Variants in PRKACB observed in about 807,000 individuals in gnomAD.
The protein encoded by PRKACB is protein kinase cAMP-activated catalytic subunit beta.
Under a neutral mutation model 51.4 loss-of-function variants are expected in PRKACB, and 16 were observed. The observed-to-expected ratio is 0.31, with a 90% confidence interval of 0.21 to 0.47. The LOEUF is 0.47. PRKACB is among the 20% of genes least tolerant of loss of function. The probability of loss-of-function intolerance (pLI) is 1.00; values close to 1 mark genes in which losing one functional copy is unlikely to be tolerated. For missense variants in PRKACB, 309 were observed against 464.5 expected (o/e 0.67, Z 3.08); for synonymous variants, 147 against 154.4 (o/e 0.95, Z 0.35).
intron 1 of PRKACB, among the ~76,000 whole-genome samples, chr1:84,119,571 A>G (rs1215913703): frequency 1.3e-5 from 2 of 152,134 alleles, no homozygotes; most frequent in East Asian, 3.9e-4. Flanking sequence ...CTAAAAATCC[A>G]TCAGCCCGTA....
At chr1:84,091,540 G>A (rs1461495482) in intron 1 of PRKACB, among the ~76,000 whole-genome samples, 1 of 151,968 alleles carries the variant, frequency 6.6e-6, no homozygotes, top group Non-Finnish European at 1.5e-5. Context: ...GTCTTGCTGT[G>A]TTGCCCAGGC....
At chr1:84,086,955 A>G (rs1288336982) in intron 1 of PRKACB, among the ~76,000 whole-genome samples, 2 of 152,266 alleles carry the variant, frequency 1.3e-5, no homozygotes, top group Non-Finnish European at 2.9e-5. Flanking sequence ...ACAATAAAGC[A>G]AGGGTCTGCA....
chr1:84,131,907 C>A (rs954066837), intron 1 of PRKACB, among the ~76,000 whole-genome samples: 3 of 152,142 alleles, frequency 2.0e-5, no homozygotes, highest in African/African-American at 7.2e-5. Context: ...TGATGAAGAT[C>A]CTGGAAAAGG....
intron 5 of PRKACB, among the ~76,000 whole-genome samples, chr1:84,186,509 A>G (rs1384832845): frequency 6.6e-6 from 1 of 151,964 alleles, no homozygotes; most frequent in Non-Finnish European, 1.5e-5. Context: ...GTGAGCTACC[A>G]CACCTGGCCT....
At chr1:84,175,097 A>T (rs1660784721) in intron 1 of PRKACB, 1 of 1,386,596 alleles carries the variant, frequency 7.2e-7, no homozygotes, top group African/African-American at 1.5e-5. Flanking sequence ...TTACCTTTAA[A>T]ATTTTTTATT....
intron 9 of PRKACB, among the ~76,000 whole-genome samples, chr1:84,231,338 G>C (rs1278847438): frequency 6.6e-6 from 1 of 152,156 alleles, no homozygotes; most frequent in East Asian, 1.9e-4. Flanking sequence ...TTTTATTGAG[G>C]ATTTTTGCAT....
intron 1 of PRKACB, among the ~76,000 whole-genome samples, chr1:84,149,280 A>C (rs1654532497): frequency 6.6e-6 from 1 of 151,600 alleles, no homozygotes; most frequent in African/African-American, 2.4e-5. Flanking sequence ...TTTTTTTTTA[A>C]ACAGAGTCTT....
intron 2 of PRKACB, among the ~76,000 whole-genome samples, chr1:84,179,499 A>G (rs907097943): frequency 2.3e-4 from 35 of 151,974 alleles, no homozygotes; most frequent in East Asian, 1.6e-3. Context: ...TAAAATCTTA[A>G]TATTTTCAAA....
At chr1:84,203,514 T>TGTCAA (rs1235496710) in intron 8 of PRKACB, among the ~76,000 whole-genome samples, 1 of 151,988 alleles carries the variant, frequency 6.6e-6, no homozygotes, top group Non-Finnish European at 1.5e-5. Context: ...TCGGATCTTT[T>TGTCAA]TTTAAAAGAC....
intron 1 of PRKACB, among the ~76,000 whole-genome samples, chr1:84,130,645 G>A (rs1276438287): frequency 8.5e-5 from 13 of 152,062 alleles, no homozygotes; most frequent in Admixed American, 3.9e-4. Flanking sequence ...CTCAAATTTC[G>A]CAACTGACAT....
chr1:84,158,067 T>G (rs1345877099), intron 1 of PRKACB, among the ~76,000 whole-genome samples: 2 of 130,310 alleles, frequency 1.5e-5, no homozygotes, highest in African/African-American at 2.5e-5. Context: ...TCATCAGTCT[T>G]TCTTTCTTTT....
At chr1:84,106,584 A>G (rs1212611833) in intron 1 of PRKACB, among the ~76,000 whole-genome samples, 1 of 152,192 alleles carries the variant, frequency 6.6e-6, no homozygotes, top group Non-Finnish European at 1.5e-5. Context: ...ATTACAGAAC[A>G]CTGCTGAAAG....
At chr1:84,131,506 A>G (rs1459938176) in intron 1 of PRKACB, among the ~76,000 whole-genome samples, 1 of 152,208 alleles carries the variant, frequency 6.6e-6, no homozygotes, top group Non-Finnish European at 1.5e-5. Flanking sequence ...AGTGAAAAAC[A>G]GAGAGAAGAG....
At chr1:84,086,901 C>T (rs1457886911) in intron 1 of PRKACB, among the ~76,000 whole-genome samples, 2 of 152,194 alleles carry the variant, frequency 1.3e-5, no homozygotes, top group African/African-American at 4.8e-5. Flanking sequence ...CCTTAACTGG[C>T]CTGTTGGTCC....
intron 1 of PRKACB, among the ~76,000 whole-genome samples, chr1:84,116,686 T>C (rs1571642927): frequency 1.3e-5 from 2 of 152,310 alleles, no homozygotes; most frequent in South Asian, 4.1e-4. Flanking sequence ...GCAACTCTAC[T>C]GAATTCATCC....
chr1:84,235,105 A>G, intron 9 of PRKACB, 75 bp from the exon 10 acceptor site: 3 of 1,468,274 alleles, frequency 2.0e-6, no homozygotes, highest in Non-Finnish European at 2.8e-6. Flanking sequence ...GTGGGAATTT[A>G]TTTTTCTTGG....
intron 1 of PRKACB, among the ~76,000 whole-genome samples, chr1:84,081,937 AAGTC>A (rs1446110388): frequency 3.0e-4 from 45 of 152,186 alleles, no homozygotes; most frequent in African/African-American, 1.0e-3. Context: ...GTGGATTTGA[AAGTC>A]AGTAGGAATT....
At position 84,144,438 on chromosome 1, in the gene PRKACB, C is replaced by T; in HGVS notation, c.77C>T (p.Ala26Val). The change falls in exon 1 of 10, where the codon GCT (alanine) becomes GTT (valine). Residue 26 changes from alanine to valine, a missense_variant. Physicochemically the swap from Ala to Val is moderately conservative, Grantham distance 64. This residue lies in a region of PRKACB where 153 missense variants were observed against 190.2 expected (regional missense o/e 0.80). Coordinates refer to ENST00000370685, the MANE Select transcript of PRKACB (RefSeq NM_182948.4). ...GCTCTTCAGAAATTGGAAGGTTTTGCTAGCCGGTTATTTCATAGACACTCT... is the reference window on the plus strand; with the variant it reads ...GCTCTTCAGAAATTGGAAGGTTTTGTTAGCCGGTTATTTCATAGACACTCT... ...TTALQKLEGF[A>V]SRLFHRHSKG... 1 of 1,613,154 alleles carries T rather than the reference C, an allele frequency of 6.2e-7. No homozygotes were observed. Among genetic ancestry groups the T allele is most frequent in the Non-Finnish European group, 8.5e-7 (1 of 1,179,588 alleles).
intron 9 of PRKACB, among the ~76,000 whole-genome samples, chr1:84,227,282 T>C (rs1265919720): frequency 6.6e-6 from 1 of 152,120 alleles, no homozygotes; most frequent in East Asian, 1.9e-4. Context: ...TTCAAGTTTT[T>C]ACTTTTTGAC....
Sources: allele counts gnomAD v4.1 joint callset (sites outside exome capture counted in the v4.1 genomes callset), GRCh38; gene constraint gnomAD v4.1.1; regional missense constraint gnomAD v4.1.1; transcripts MANE v1.5; gene names NCBI Gene and HGNC (gene_info 2026-07-23, HGNC 2026-07-21).